Variants in WDFY4 observed in about 807,000 individuals in gnomAD.
WDFY4 encodes WD repeat- and FYVE domain-containing protein 4.
Under a neutral mutation model 351.9 loss-of-function variants are expected in WDFY4, and 169 were observed. That is an observed-to-expected ratio of 0.48 (90% CI 0.42 to 0.55). The LOEUF (loss-of-function observed/expected upper bound fraction) is 0.55, where lower values mean the gene tolerates loss of function less well. Among genes scored for constraint, WDFY4 ranks in the 20% least tolerant of loss-of-function variants. WDFY4 has a pLI of 0.00. For synonymous variants in WDFY4, 1,622 were observed against 1,574.6 expected (o/e 1.03, Z -0.71); for missense variants, 3,803 against 3,935.6 (o/e 0.97, Z 0.90).
chr10:48,901,146 G>A (rs920894961), intron 46 of WDFY4, among the ~76,000 whole-genome samples: 1 of 152,242 alleles, frequency 6.6e-6, no homozygotes, highest in African/African-American at 2.4e-5. Flanking sequence ...AAAAACAACT[G>A]TAGAGAGGCT....
At chr10:48,832,431 C>T (rs1158449511) in intron 38 of WDFY4, 142 bp from the exon 39 acceptor site, 2 of 1,011,440 alleles carry the variant, frequency 2.0e-6, no homozygotes, top group Admixed American at 3.5e-5. Flanking sequence ...GCAGTGTGAG[C>T]TTGTAGCCTG....
At chr10:48,753,833 G>C (rs555889043) in intron 12 of WDFY4, among the ~76,000 whole-genome samples, 2 of 152,282 alleles carry the variant, frequency 1.3e-5, no homozygotes, top group Non-Finnish European at 2.9e-5. Context: ...GCTTCTTAGG[G>C]TTTCCTACAA....
At chr10:48,799,621 A>C (rs951612753) in intron 24 of WDFY4, among the ~76,000 whole-genome samples, 1 of 152,064 alleles carries the variant, frequency 6.6e-6, no homozygotes, top group African/African-American at 2.4e-5. Flanking sequence ...AAAAATACAA[A>C]AATTAGGTGG....
At chr10:48,935,933 A>C (rs965252159) in intron 47 of WDFY4, among the ~76,000 whole-genome samples, 1 of 151,314 alleles carries the variant, frequency 6.6e-6, no homozygotes, top group Non-Finnish European at 1.5e-5. Flanking sequence ...TCTTACATTA[A>C]ATTTCCAGAA....
intron 12 of WDFY4, among the ~76,000 whole-genome samples, chr10:48,752,782 G>C (rs7101218): frequency 0.091 from 13,844 of 152,196 alleles, 754 homozygotes; most frequent in South Asian, 0.17. Flanking sequence ...CCATTCATTT[G>C]TTGATGAACA....
chr10:48,757,472 T>A (rs2065371239), intron 12 of WDFY4, among the ~76,000 whole-genome samples: 1 of 152,078 alleles, frequency 6.6e-6, no homozygotes, highest in Non-Finnish European at 1.5e-5. Context: ...TGGTATAAAT[T>A]TTTCTATCCT....
At position 48,814,055 on chromosome 10, in the gene WDFY4, G is replaced by A. The variant is rs367624579; in HGVS notation, c.5313G>A (p.Leu1771=). ...GLCTEGALLL[L]EMLKATMSQP... ...GCACAGAAGGTGCCTTGCTCCTCCT[G>A]GAAATGCTGAAGGCCACCATGAGCC... The change falls in exon 31 of 62, where the codon CTG becomes CTA. Residue 1771 remains leucine (L), a synonymous_variant. Transcript: ENST00000325239. The A allele has an allele frequency of 1.3e-6, 2 of 1,549,532 alleles. No individual in the cohort carries two copies. Among genetic ancestry groups the A allele is most frequent in the African/African-American group, 2.7e-5 (2 of 73,010 alleles).
chr10:48,722,183 A>G (rs1025684198), intron 4 of WDFY4, among the ~76,000 whole-genome samples: 1 of 152,160 alleles, frequency 6.6e-6, no homozygotes, highest in African/African-American at 2.4e-5. Flanking sequence ...GGGGTGGTAC[A>G]TGACCTGGGA....
intron 36 of WDFY4, among the ~76,000 whole-genome samples, chr10:48,827,757 C>A (rs967171201): frequency 2.0e-5 from 3 of 151,808 alleles, no homozygotes; most frequent in African/African-American, 7.2e-5. Flanking sequence ...GACTACTGAG[C>A]AGTACAAAAC....
Position 48,946,052 on chromosome 10 carries a change from GC to G in WDFY4, c.7763del (p.Ala2588GlufsTer22). 6.5e-7 allele frequency: 1 copy of G among 1,544,608 alleles called. No homozygotes were observed. The highest frequency in any genetic ancestry group is 8.7e-7 in the Non-Finnish European group (1 of 1,145,024). On this transcript the variant is annotated frameshift_variant, in exon 50 of 62. Transcript: ENST00000325239. LOFTEE classifies it high-confidence loss of function. ...ATCTGCCTTCTAGACATTGAACTTG[GC>G]AAATCCGAAGATTTTCCGGGATCTT... is the stretch of plus-strand genomic sequence containing the variant. ...ADYTSETLNL[A>X]NPKIFRDLSK...
chr10:48,937,420 G>C (rs921602903), intron 47 of WDFY4, among the ~76,000 whole-genome samples: 1 of 152,164 alleles, frequency 6.6e-6, no homozygotes, highest in African/African-American at 2.4e-5. Context: ...GTCCTGGCAG[G>C]TGCTCTGAAC....
Position 48,796,371 on chromosome 10 carries a change from C to A in WDFY4, c.4331C>A (p.Ala1444Asp). The A allele has an allele frequency of 6.4e-7, 1 of 1,552,310 alleles. No individual in the cohort carries two copies. Among genetic ancestry groups the A allele is most frequent in the Non-Finnish European group, 8.7e-7 (1 of 1,147,128 alleles). ...ATTTTTCAGCTGATCCTCTCAGTGGCTGGCACTGTGGAGCTGGGCTTCAGG... is the reference window on the plus strand; with the variant it reads ...ATTTTTCAGCTGATCCTCTCAGTGGATGGCACTGTGGAGCTGGGCTTCAGG... ...HRIFQLILSV[A>D]GTVELGFRSS... Residue 1444 changes from alanine to aspartate, a missense_variant, in exon 24 of 62, where the codon GCT becomes GAT. Physicochemically the swap from Ala to Asp is moderately radical, Grantham distance 126. Transcript: ENST00000325239.
intron 13 of WDFY4, among the ~76,000 whole-genome samples, chr10:48,772,478 C>T (rs927018328): frequency 6.7e-6 from 1 of 149,558 alleles, no homozygotes; most frequent in Non-Finnish European, 1.5e-5. Context: ...GGCTCCATGG[C>T]CCCTGGGCAG....
chr10:48,937,113 C>T (rs935943479), intron 47 of WDFY4, among the ~76,000 whole-genome samples: 2 of 151,958 alleles, frequency 1.3e-5, no homozygotes, highest in Non-Finnish European at 2.9e-5. Flanking sequence ...AGGCTGGTCT[C>T]GAACTCCTGA....
intron 43 of WDFY4, among the ~76,000 whole-genome samples, chr10:48,888,706 C>G (rs2070569888): frequency 6.6e-6 from 1 of 152,240 alleles, no homozygotes; most frequent in African/African-American, 2.4e-5. Context: ...CTTCCTGCCT[C>G]TAGGCCCTTA....
intron 49 of WDFY4, 99 bp downstream of exon 49, chr10:48,943,548 G>C: frequency 1.5e-6 from 2 of 1,305,118 alleles, no homozygotes; most frequent in Middle Eastern, 2.6e-4. Context: ...AGGAGGTTCC[G>C]TCACATGAAC....
At chr10:48,788,721 C>A in intron 21 of WDFY4, 46 bp downstream of exon 21, 1 of 1,544,736 alleles carries the variant, frequency 6.5e-7, no homozygotes, top group South Asian at 1.2e-5. Flanking sequence ...AATCTGGTTT[C>A]ATGGTTTGCA....
chr10:48,768,235 C>T (rs375148220), intron 13 of WDFY4, among the ~76,000 whole-genome samples: 3 of 152,286 alleles, frequency 2.0e-5, no homozygotes, highest in East Asian at 3.9e-4. Flanking sequence ...GGTCAGTGCT[C>T]GGTCTCCAGG....
At chr10:48,815,689 G>A (rs899287276) in intron 31 of WDFY4, among the ~76,000 whole-genome samples, 3 of 151,196 alleles carry the variant, frequency 2.0e-5, no homozygotes, top group Non-Finnish European at 4.4e-5. Flanking sequence ...TGTTTTTATC[G>A]TTATTATTAG....
Sources: gnomAD v4.1 joint callset for allele counts (sites outside exome capture counted in the v4.1 genomes callset) on GRCh38, gnomAD v4.1.1 for gene constraint, MANE v1.5 for transcripts, NCBI Gene and HGNC (gene_info 2026-07-23, HGNC 2026-07-21) for gene names.